Variants in SNX8 observed in about 807,000 individuals in gnomAD.
SNX8 encodes sorting nexin-8.
Under a neutral mutation model 51.6 loss-of-function variants are expected in SNX8, and 25 were observed. The ratio of observed to expected loss-of-function variants is 0.48; its 90% CI spans 0.35 to 0.68. The LOEUF (loss-of-function observed/expected upper bound fraction) is 0.68, where lower values mean the gene tolerates loss of function less well. Among genes scored for constraint, SNX8 ranks in the 30% least tolerant of loss-of-function variants. The pLI is 0.00. For missense variants in SNX8, 695 were observed against 624.0 expected, an observed-to-expected ratio of 1.11 and a Z score of -1.21; for synonymous variants, 324 against 277.0, an observed-to-expected ratio of 1.17 and a Z score of -1.68.
At chr7:2,259,407 C>A (rs902168866) in intron 7 of SNX8, among the ~76,000 whole-genome samples, 3 of 152,222 alleles carry the variant, frequency 2.0e-5, no homozygotes, top group African/African-American at 4.8e-5. Context: ...GGGCTCCACC[C>A]GTGGTAGGGG....
At chr7:2,307,158 A>C (rs568357359) in intron 1 of SNX8, among the ~76,000 whole-genome samples, 126 of 152,146 alleles carry the variant, frequency 8.3e-4, no homozygotes, top group Non-Finnish European at 9.4e-4. Context: ...CCCGGAGCTG[A>C]ACACACACCC....
intron 3 of SNX8, among the ~76,000 whole-genome samples, chr7:2,274,153 G>A (rs1412065836): frequency 2.0e-5 from 3 of 152,236 alleles, no homozygotes; most frequent in Admixed American, 6.5e-5. Context: ...TGCCCTGAGC[G>A]CCCGTGTGCC....
At chr7:2,264,213 A>G in intron 6 of SNX8, 85 bp downstream of exon 6, 1 of 1,359,148 alleles carries the variant, frequency 7.4e-7, no homozygotes, top group Non-Finnish European at 1.0e-6. Context: ...TTATTACGGT[A>G]AACGCACTTT....
At chr7:2,329,164 G>C (rs1314321673) in intron 1 of SNX8, among the ~76,000 whole-genome samples, 10 of 151,266 alleles carry the variant, frequency 6.6e-5, no homozygotes, top group Non-Finnish European at 1.5e-4. Context: ...TCAGCTACTC[G>C]GGAGGCTGAG....
chr7:2,287,653 A>G (rs1796061796), intron 1 of SNX8, among the ~76,000 whole-genome samples: 1 of 152,088 alleles, frequency 6.6e-6, no homozygotes, highest in South Asian at 2.1e-4. Flanking sequence ...TGGGAGACTG[A>G]GGCAGGAGAA....
At chr7:2,303,818 G>GAAGGCC (rs1257580407) in intron 1 of SNX8, among the ~76,000 whole-genome samples, 1 of 152,016 alleles carries the variant, frequency 6.6e-6, no homozygotes, top group Non-Finnish European at 1.5e-5. Context: ...AAACACTGTG[G>GAAGGCC]AAGGCCGCAG....
chr7:2,308,687 A>AG lies in SNX8; in HGVS notation c.94+5640dup, dbSNP rs374008348. On this transcript the variant is annotated intron_variant, in intron 1 of 10. Coordinates refer to ENST00000222990, the MANE Select transcript of SNX8 (RefSeq NM_013321.4). ...TCTCAAAAAAAAAAAAAAAAAAAAA[A>AG]GGGTCATGGAAGGGAGCGAAATGGG... Among the ~76,000 whole-genome samples, 1,380 of 140,704 alleles carry AG rather than the reference A, an allele frequency of 9.8e-3. 42 individuals are homozygous for AG. Among genetic ancestry groups the AG allele is most frequent in the Non-Finnish European group, 0.012 (758 of 65,748 alleles). 92.3% of individuals were successfully genotyped at this position (140,704 alleles called of 152,430 possible).
intron 3 of SNX8, among the ~76,000 whole-genome samples, chr7:2,274,399 C>A (rs1264142492): frequency 6.6e-6 from 1 of 152,242 alleles, no homozygotes; most frequent in Non-Finnish European, 1.5e-5. Flanking sequence ...ATGATCAGCT[C>A]TAAGCACTCA....
chr7:2,271,556 T>A (rs934896433), intron 4 of SNX8, among the ~76,000 whole-genome samples: 2 of 152,230 alleles, frequency 1.3e-5, no homozygotes, highest in Non-Finnish European at 2.9e-5. Flanking sequence ...CTGGAGTCTC[T>A]GGCACCTCCC....
chr7:2,324,515 T>C (rs773495654), intron 1 of SNX8, among the ~76,000 whole-genome samples: 9 of 152,016 alleles, frequency 5.9e-5, no homozygotes, highest in Non-Finnish European at 1.3e-4. Flanking sequence ...GGTCTCGAAC[T>C]CCTGAGCTCA....
At chr7:2,332,301 AT>A (rs1403635301) in intron 1 of SNX8, among the ~76,000 whole-genome samples, 1 of 151,722 alleles carries the variant, frequency 6.6e-6, no homozygotes, top group African/African-American at 2.4e-5. Context: ...GATGACAGAT[AT>A]TTACATTGAC....
intron 5 of SNX8, among the ~76,000 whole-genome samples, chr7:2,267,146 G>A (rs539891539): frequency 5.7e-4 from 87 of 152,270 alleles, no homozygotes; most frequent in Non-Finnish European, 7.8e-4. Context: ...GCCCTGTGTC[G>A]GAGCAACTGA....
intron 3 of SNX8, among the ~76,000 whole-genome samples, chr7:2,272,872 C>T (rs4721533): frequency 0.72 from 109,926 of 151,676 alleles, 39,958 homozygotes; most frequent in East Asian, 0.75. Flanking sequence ...TCACTCTTGT[C>T]GCCCAGGCTG....
chr7:2,341,866 G>C lies in SNX8; in HGVS notation c.-66+12356C>G, dbSNP rs541366327. Among the ~76,000 whole-genome samples, 18 of 152,048 alleles carry C rather than the reference G, an allele frequency of 1.2e-4. 1 individual carries two copies. The South Asian group carries it at 3.7e-3, about 32-fold the overall frequency. Reference sequence around the variant, plus strand: ...GCCGGGTGTGTAATCTGAGCTACTCGGGAGGCTGAGGCAGGAGAATCACTT... The same window carrying C: ...GCCGGGTGTGTAATCTGAGCTACTCCGGAGGCTGAGGCAGGAGAATCACTT... On this transcript the variant is annotated intron_variant, in intron 1 of 5. Coordinates refer to the SNX8 transcript ENST00000435336.
At chr7:2,312,815 G>A (rs1429231054) in intron 1 of SNX8, among the ~76,000 whole-genome samples, 1 of 151,934 alleles carries the variant, frequency 6.6e-6, no homozygotes, top group African/African-American at 2.4e-5. Flanking sequence ...CTCTTCTCTG[G>A]CAGCTAGGAC....
rs1261796849 is a variant in SNX8 at position 2,348,404 on chromosome 7, G to A, written c.-66+5818C>T. ...CGCCCAGGCTGGAGTGCAGTGGCGCGATCTCGGCTCACTGCAAGCTCCGCC... is the reference window on the plus strand; with the variant it reads ...CGCCCAGGCTGGAGTGCAGTGGCGCAATCTCGGCTCACTGCAAGCTCCGCC... On this transcript the variant is annotated intron_variant, in intron 1 of 5. Coordinates refer to the SNX8 transcript ENST00000435336. Among the ~76,000 whole-genome samples the A allele has an allele frequency of 9.4e-4, 138 of 146,624 alleles. 1 individual carries two copies. Among genetic ancestry groups the A allele is most frequent in the Middle Eastern group, 3.5e-3 (1 of 284 alleles).
upstream of SNX8, among the ~76,000 whole-genome samples, chr7:2,315,638 C>A (rs180671642): frequency 6.6e-6 from 1 of 150,492 alleles, no homozygotes; most frequent in African/African-American, 2.4e-5. Flanking sequence ...ATTCATTCAC[C>A]CACTCACGCA....
intron 2 of SNX8, among the ~76,000 whole-genome samples, chr7:2,276,099 C>G (rs1476636000): frequency 6.6e-6 from 1 of 152,204 alleles, no homozygotes; most frequent in Non-Finnish European, 1.5e-5. Context: ...CAAACTGCCC[C>G]CTTGACAAAT....
chr7:2,329,387 A>G (rs1778688401), intron 1 of SNX8, among the ~76,000 whole-genome samples: 1 of 152,250 alleles, frequency 6.6e-6, no homozygotes, highest in South Asian at 2.1e-4. Flanking sequence ...TATCACCCAC[A>G]GTCAGCACCC....
Sources: gnomAD v4.1 joint callset for allele counts (sites outside exome capture counted in the v4.1 genomes callset) on GRCh38, gnomAD v4.1.1 for gene constraint, MANE v1.5 for transcripts, NCBI Gene and HGNC (gene_info 2026-07-23, HGNC 2026-07-21) for gene names.